The following FRYL variants were observed in gnomAD, a reference collection of about 807,000 sequenced individuals.
FRYL encodes FRY like transcription coactivator.
A neutral mutation model predicts 351.2 loss-of-function variants in FRYL; 150 were observed. That is an observed-to-expected ratio of 0.43 (90% CI 0.37 to 0.49). The LOEUF is 0.49. Ranked by LOEUF, FRYL falls within the 20% of genes least tolerant of loss-of-function variation. The probability of loss-of-function intolerance (pLI) is 0.00; values close to 1 mark genes in which losing one functional copy is unlikely to be tolerated. For missense variants in FRYL, 3,036 were observed against 3,619.3 expected, an observed-to-expected ratio of 0.84 and a Z score of 4.13; for synonymous variants, 1,153 against 1,257.1, an observed-to-expected ratio of 0.92 and a Z score of 1.75.
chr4:48,721,803 G>A (rs1276792857), intron 1 of FRYL, among the ~76,000 whole-genome samples: 1 of 152,042 alleles, frequency 6.6e-6, no homozygotes, highest in Non-Finnish European at 1.5e-5. Flanking sequence ...ACCACACCCG[G>A]CTAATTTATG....
chr4:48,570,269 G>T (rs1738002314), intron 27 of FRYL, among the ~76,000 whole-genome samples: 1 of 152,162 alleles, frequency 6.6e-6, no homozygotes, highest in African/African-American at 2.4e-5. Context: ...AAGGGGCTGG[G>T]CTTAGTGTGA....
intron 13 of FRYL, among the ~76,000 whole-genome samples, chr4:48,596,316 C>A (rs941725997): frequency 2.0e-5 from 3 of 152,084 alleles, no homozygotes; most frequent in Admixed American, 6.6e-5. Flanking sequence ...GAACAGTTCA[C>A]ACTCCAATAC....
chr4:48,765,132 C>A (rs1490210494), intron 1 of FRYL, among the ~76,000 whole-genome samples: 1 of 152,092 alleles, frequency 6.6e-6, no homozygotes, highest in Admixed American at 6.6e-5. Context: ...TGTGAGCCAC[C>A]ATGCCCAGCC....
chr4:48,635,585 C>A (rs1006314974), intron 3 of FRYL, among the ~76,000 whole-genome samples: 3 of 152,204 alleles, frequency 2.0e-5, no homozygotes, highest in African/African-American at 7.2e-5. Flanking sequence ...AAAGAAGACA[C>A]ACCACTGCAT....
At chr4:48,748,258 C>T (rs2149660877) in intron 1 of FRYL, among the ~76,000 whole-genome samples, 1 of 152,100 alleles carries the variant, frequency 6.6e-6, no homozygotes, top group East Asian at 1.9e-4. Context: ...AAAAAAAATA[C>T]TTAAATAAAA....
At chr4:48,718,751 G>T (rs1348040302) in intron 1 of FRYL, among the ~76,000 whole-genome samples, 1 of 151,434 alleles carries the variant, frequency 6.6e-6, no homozygotes, top group Non-Finnish European at 1.5e-5. Flanking sequence ...GGCTCTATGT[G>T]TGAAGCATTT....
At chr4:48,693,816 A>G (rs1401851429) in intron 2 of FRYL, among the ~76,000 whole-genome samples, 1 of 152,184 alleles carries the variant, frequency 6.6e-6, no homozygotes, top group Admixed American at 6.5e-5. Context: ...TATATTGTGC[A>G]TTACAAGAAT....
intron 36 of FRYL, among the ~76,000 whole-genome samples, chr4:48,552,350 G>A (rs548597593): frequency 1.3e-5 from 2 of 151,788 alleles, no homozygotes; most frequent in African/African-American, 2.4e-5. Flanking sequence ...ATAAATCTAG[G>A]AGAAAAGACC....
chr4:48,640,015 G>A (rs79443016), intron 3 of FRYL, among the ~76,000 whole-genome samples: 3,090 of 152,172 alleles, frequency 0.02, 110 homozygotes, highest in African/African-American at 0.071. Flanking sequence ...CAGCAAATGC[G>A]GGTGAGGACG....
intron 55 of FRYL, among the ~76,000 whole-genome samples, chr4:48,518,078 G>A (rs1216686279): frequency 6.6e-6 from 1 of 152,158 alleles, no homozygotes; most frequent in African/African-American, 2.4e-5. Context: ...CATTCTTTTG[G>A]TGACAGTTTT....
intron 2 of FRYL, among the ~76,000 whole-genome samples, chr4:48,694,562 G>A (rs1488504019): frequency 6.6e-6 from 1 of 152,118 alleles, no homozygotes; most frequent in Non-Finnish European, 1.5e-5. Flanking sequence ...CTCCCAAAGT[G>A]CTGGGATTAT....
chr4:48,593,285 C>CCTGGG (rs769565561), intron 16 of FRYL, among the ~76,000 whole-genome samples: 28 of 70,020 alleles, frequency 4.0e-4, no homozygotes, highest in Non-Finnish European at 8.0e-4. Flanking sequence ...AAAAAAAAAA[C>CCTGGG]CTGGGCTCAT....
In FRYL at chr4:48,670,031, G is replaced by A. The variant is rs1762397053; in HGVS notation, c.-81+14642C>T. Among the ~76,000 whole-genome samples the A allele has an allele frequency of 3.9e-5, 6 of 152,260 alleles. No individual in the cohort carries two copies. The South Asian group carries it at 1.2e-3, about 32-fold the overall frequency. ...AGACATGTTCATACAAGCATGCAAT[G>A]TGTAACAATCACAGGGTAAATGGAG... On this transcript the variant is annotated intron_variant, in intron 3 of 63. Coordinates refer to ENST00000358350, the MANE Select transcript of FRYL (RefSeq NM_015030.2).
At position 48,739,905 on chromosome 4, in the gene FRYL, T is replaced by A. The variant is rs562878035; in HGVS notation, c.-383-29207A>T. Among the ~76,000 whole-genome samples, 6 of 152,244 alleles carry A rather than the reference T, an allele frequency of 3.9e-5. No homozygotes were observed. In the South Asian group the frequency reaches 1.0e-3, roughly 26 times the overall value. ...CATGGGAACAGAACTGGTGGTTTTGTAAGTAAGAGACCTGAGCTAGAACAC... is the reference window on the plus strand; with the variant it reads ...CATGGGAACAGAACTGGTGGTTTTGAAAGTAAGAGACCTGAGCTAGAACAC... On this transcript the variant is annotated intron_variant, in intron 1 of 63. Coordinates refer to ENST00000358350, the MANE Select transcript of FRYL (RefSeq NM_015030.2).
intron 3 of FRYL, among the ~76,000 whole-genome samples, chr4:48,668,835 T>C (rs1034949884): frequency 1.3e-5 from 2 of 152,234 alleles, no homozygotes; most frequent in South Asian, 2.1e-4. Context: ...TTATTAACTA[T>C]AGCTGCCTCA....
intron 1 of FRYL, among the ~76,000 whole-genome samples, chr4:48,726,851 T>G (rs1476788676): frequency 1.3e-5 from 2 of 152,208 alleles, no homozygotes; most frequent in Non-Finnish European, 2.9e-5. Context: ...TAATAATCTT[T>G]GTGTTTTAAG....
chr4:48,650,283 A>G (rs190282635), intron 3 of FRYL, among the ~76,000 whole-genome samples: 297 of 152,334 alleles, frequency 1.9e-3, no homozygotes, highest in African/African-American at 6.5e-3. Flanking sequence ...ACTCATCCCA[A>G]CAAAAATTAT....
chr4:48,531,373 A>C lies in FRYL; in HGVS notation c.6706-20T>G. Reference sequence around the variant, plus strand: ...AGGACTCTGGTTTAAAAAATAATTGACACGTAAAAGTTACAAATGCACATT... The same window carrying C: ...AGGACTCTGGTTTAAAAAATAATTGCCACGTAAAAGTTACAAATGCACATT... On this transcript the variant is annotated intron_variant, in intron 49 of 63. Transcript: ENST00000358350. 6.4e-7 allele frequency: 1 copy of C among 1,559,298 alleles called. No homozygotes were observed. The highest frequency in any genetic ancestry group is 8.8e-7 in the Non-Finnish European group (1 of 1,132,262).
intron 8 of FRYL, 21 bp downstream of exon 8, chr4:48,609,723 C>A: frequency 1.6e-6 from 2 of 1,285,370 alleles, no homozygotes; most frequent in South Asian, 1.4e-5. Flanking sequence ...GGCAACAATC[C>A]CAAGTTAGTA....
Sources: allele counts gnomAD v4.1 joint callset (sites outside exome capture counted in the v4.1 genomes callset), GRCh38; gene constraint gnomAD v4.1.1; transcripts MANE v1.5; gene names NCBI Gene and HGNC (gene_info 2026-07-23, HGNC 2026-07-21).